The following NRXN3 variants were observed in gnomAD, a reference collection of about 807,000 sequenced individuals.
NRXN3 encodes neurexin III.
Under a neutral mutation model 137.6 loss-of-function variants are expected in NRXN3, and 32 were observed. The ratio of observed to expected loss-of-function variants is 0.23; its 90% confidence interval spans 0.18 to 0.31. The LOEUF (loss-of-function observed/expected upper bound fraction) is 0.31, where lower values mean the gene tolerates loss of function less well. NRXN3 is among the 10% of genes least tolerant of loss of function. The pLI is 1.00. For missense variants in NRXN3, 1,574 were observed against 2,062.5 expected (o/e 0.76, Z 4.59); for synonymous variants, 798 against 784.5 (o/e 1.02, Z -0.29).
rs115963766 is a variant in NRXN3, at chr14:79,093,424, C to T, written c.3262+105283C>T. On this transcript the variant is annotated intron_variant, in intron 15 of 20. Coordinates refer to ENST00000335750, the MANE Select transcript of NRXN3 (RefSeq NM_001330195.2). ...GAAACAACTGAGAAATTTTAAGAAG[C>T]AAAGGGACCTGATCTGTAAGATTTA... 6.2e-3 allele frequency among the ~76,000 whole-genome samples: 939 copies of T among 152,186 alleles called. 10 individuals carry two copies. Among genetic ancestry groups the T allele is most frequent in the African/African-American group, 0.021 (891 of 41,530 alleles).
intron 19 of NRXN3, among the ~76,000 whole-genome samples, chr14:79,766,359 A>G (rs1436367188): frequency 6.6e-6 from 1 of 152,108 alleles, no homozygotes; most frequent in Non-Finnish European, 1.5e-5. Context: ...ATTCATGCCA[A>G]AGGTTGTCCG....
At chr14:78,537,202 A>T (rs1380089534) in intron 4 of NRXN3, among the ~76,000 whole-genome samples, 3 of 152,176 alleles carry the variant, frequency 2.0e-5, no homozygotes, top group African/African-American at 7.2e-5. Context: ...ACAATGGTTG[A>T]ACTAATTTAC....
Position 78,926,934 on chromosome 14 carries a change from TTATA to T in NRXN3, c.2276-30297_2276-30294del, listed in dbSNP as rs1274111619. On this transcript the variant is annotated intron_variant, in intron 10 of 20. Transcript: ENST00000335750. ...AATATATATATAATATATAATATAT[TTATA>T]TATATATATAATATATATAATATAT... 1.3e-4 allele frequency among the ~76,000 whole-genome samples: 4 copies of T among 30,482 alleles called. 1 individual carries two copies. In the East Asian group the frequency reaches 5.2e-3, roughly 40 times the overall value. 20.0% of individuals were successfully genotyped at this position (30,482 alleles called of 152,430 possible).
chr14:78,312,221 C>G (rs1597179499), intron 4 of NRXN3, among the ~76,000 whole-genome samples: 1 of 152,236 alleles, frequency 6.6e-6, no homozygotes, highest in East Asian at 1.9e-4. Context: ...TACTAGTCTG[C>G]CTGGGAACTG....
chr14:79,652,956 A>T (rs2098484234), intron 16 of NRXN3, among the ~76,000 whole-genome samples: 1 of 152,048 alleles, frequency 6.6e-6, no homozygotes, highest in Non-Finnish European at 1.5e-5. Flanking sequence ...TATCCAAGAG[A>T]GAATGTTGTA....
intron 10 of NRXN3, among the ~76,000 whole-genome samples, chr14:78,833,411 C>CAGT (rs1211459812): frequency 6.6e-6 from 1 of 152,170 alleles, no homozygotes; most frequent in African/African-American, 2.4e-5. Flanking sequence ...AGGGGAATTG[C>CAGT]AGTGTGTCCA....
rs1008629035 is a variant in NRXN3 at position 78,702,697 on chromosome 14, G to C, written c.1222-6520G>C. On this transcript the variant is annotated intron_variant, in intron 6 of 20. Coordinates refer to ENST00000335750, the MANE Select transcript of NRXN3 (RefSeq NM_001330195.2). ...GGCCTCAAGTGATCCACCTGACTTG[G>C]CCTCCCAAAGTTCTGGGATTACAGG... 1.5e-4 allele frequency among the ~76,000 whole-genome samples: 23 copies of C among 152,118 alleles called. No individual in the cohort carries two copies. In the East Asian group the frequency reaches 3.1e-3, roughly 20 times the overall value.
intron 6 of NRXN3, among the ~76,000 whole-genome samples, chr14:78,682,098 C>T (rs933806217): frequency 6.6e-6 from 1 of 152,036 alleles, no homozygotes; most frequent in Non-Finnish European, 1.5e-5. Flanking sequence ...GATCTCTTGA[C>T]CTTGTGATCC....
At chr14:78,826,292 G>A (rs919611146) in intron 10 of NRXN3, among the ~76,000 whole-genome samples, 1 of 152,082 alleles carries the variant, frequency 6.6e-6, no homozygotes, top group Non-Finnish European at 1.5e-5. Context: ...GACCCCCACA[G>A]GCACTCACGA....
intron 4 of NRXN3, among the ~76,000 whole-genome samples, chr14:78,538,405 C>T (rs2096556670): frequency 6.6e-6 from 1 of 152,128 alleles, no homozygotes; most frequent in Non-Finnish European, 1.5e-5. Context: ...CATGATTTGG[C>T]TCTCAGTTTG....
At chr14:78,897,934 A>G (rs959926410) in intron 10 of NRXN3, among the ~76,000 whole-genome samples, 2 of 151,942 alleles carry the variant, frequency 1.3e-5, no homozygotes, top group Non-Finnish European at 2.9e-5. Context: ...TGGGTAACTC[A>G]CTGAAACATC....
chr14:79,441,442 C>A, intron 15 of NRXN3, among the ~76,000 whole-genome samples: 1 of 119,224 alleles, frequency 8.4e-6, no homozygotes, highest in Middle Eastern at 8.8e-3. Flanking sequence ...TGCAGTGGTG[C>A]GATCTTGGCT....
chr14:78,518,521 TGA>T (rs1210218102), intron 4 of NRXN3, among the ~76,000 whole-genome samples: 1 of 152,104 alleles, frequency 6.6e-6, no homozygotes, highest in Non-Finnish European at 1.5e-5. Context: ...TGAGAACCAA[TGA>T]GAGTGTCTCT....
At chr14:78,756,545 CAAAAAA>C (rs869164043) in intron 8 of NRXN3, among the ~76,000 whole-genome samples, 1 of 70,830 alleles carries the variant, frequency 1.4e-5, no homozygotes. Context: ...GATTCTGTCT[CAAAAAA>C]AAAAAAAAAA....
At chr14:78,586,816 C>T (rs941647384) in intron 4 of NRXN3, among the ~76,000 whole-genome samples, 11 of 152,200 alleles carry the variant, frequency 7.2e-5, no homozygotes, top group Non-Finnish European at 8.8e-5. Context: ...TTTGAGCAAA[C>T]GGCAAATCCA....
chr14:78,416,599 T>A (rs2093152145), intron 4 of NRXN3, among the ~76,000 whole-genome samples: 1 of 152,264 alleles, frequency 6.6e-6, no homozygotes, highest in African/African-American at 2.4e-5. Flanking sequence ...TAAATCACTT[T>A]TAGTACATAT....
At chr14:78,635,775 T>A (rs968479471) in intron 4 of NRXN3, among the ~76,000 whole-genome samples, 19 of 152,142 alleles carry the variant, frequency 1.2e-4, no homozygotes, top group African/African-American at 4.3e-4. Context: ...ATTGTACAAT[T>A]TTTTTTGTTC....
At chr14:79,645,635 T>TA in intron 16 of NRXN3, among the ~76,000 whole-genome samples, 1 of 133,878 alleles carries the variant, frequency 7.5e-6, no homozygotes, top group African/African-American at 2.5e-5. Context: ...AAAAAAGTTT[T>TA]TTTCGTGTCG....
chr14:78,880,768 C>T (rs181738109), intron 10 of NRXN3, among the ~76,000 whole-genome samples: 30 of 152,198 alleles, frequency 2.0e-4, no homozygotes, highest in East Asian at 3.9e-4. Flanking sequence ...TATGTATTTA[C>T]GCATATGGTA....
Sources: gnomAD v4.1 joint callset for allele counts (sites outside exome capture counted in the v4.1 genomes callset) on GRCh38, gnomAD v4.1.1 for gene constraint, MANE v1.5 for transcripts, NCBI Gene and HGNC (gene_info 2026-07-23, HGNC 2026-07-21) for gene names.